Variants in RERE observed in about 807,000 individuals in gnomAD.
RERE encodes arginine-glutamic acid dipeptide repeats.
A neutral mutation model predicts 146.1 loss-of-function variants in RERE; 40 were observed. The ratio of observed to expected loss-of-function variants is 0.27; its 90% CI spans 0.21 to 0.36. The LOEUF is 0.36. Among genes scored for constraint, RERE ranks in the 10% least tolerant of loss-of-function variants. The pLI is 1.00. For missense variants in RERE, 1,933 were observed against 2,138.7 expected (o/e 0.90, Z 1.90); for synonymous variants, 1,003 against 866.0 (o/e 1.16, Z -2.78).
At chr1:8,735,039 T>C (rs1336254810) in intron 1 of RERE, among the ~76,000 whole-genome samples, 1 of 152,258 alleles carries the variant, frequency 6.6e-6, no homozygotes, top group Non-Finnish European at 1.5e-5. Context: ...TGTCAAGTAC[T>C]GTGTGCCAGC....
At chr1:8,398,876 T>C (rs1193317751) in intron 12 of RERE, among the ~76,000 whole-genome samples, 2 of 152,208 alleles carry the variant, frequency 1.3e-5, no homozygotes, top group South Asian at 2.1e-4. Flanking sequence ...GCGCGGCCAC[T>C]AGGAGTACAT....
chr1:8,375,692 A>C (rs1376535507), intron 12 of RERE, among the ~76,000 whole-genome samples: 1 of 132,414 alleles, frequency 7.6e-6, no homozygotes, highest in Non-Finnish European at 1.6e-5. Context: ...TTCCTCACTC[A>C]GCAGCCACTG....
At chr1:8,686,264 T>C (rs191034864) in intron 1 of RERE, among the ~76,000 whole-genome samples, 1 of 152,270 alleles carries the variant, frequency 6.6e-6, no homozygotes, top group Non-Finnish European at 1.5e-5. Context: ...ATTACAGGTG[T>C]AAGCCACTGT....
intron 10 of RERE, among the ~76,000 whole-genome samples, chr1:8,480,128 G>GTGTTTTTTTTTTTTTTTTTTT (rs1557650774): frequency 7.4e-6 from 1 of 135,222 alleles, no homozygotes. Context: ...GCCTTTTTTT[G>GTGTTTTTTTTTTTTTTTTTTT]TTTTTTTTTT....
intron 1 of RERE, among the ~76,000 whole-genome samples, chr1:8,696,403 A>C (rs1003719126): frequency 6.6e-6 from 1 of 152,172 alleles, no homozygotes; most frequent in African/African-American, 2.4e-5. Context: ...ACCCGAGCTC[A>C]AGAGTTGGGA....
intron 13 of RERE, among the ~76,000 whole-genome samples, chr1:8,365,525 C>A (rs760349231): frequency 1.3e-5 from 2 of 152,216 alleles, no homozygotes; most frequent in African/African-American, 2.4e-5. Context: ...CCAAAAACAT[C>A]CCAGGCCAAG....
At chr1:8,421,210 A>T (rs1374610417) in intron 12 of RERE, among the ~76,000 whole-genome samples, 1 of 152,244 alleles carries the variant, frequency 6.6e-6, no homozygotes, top group Non-Finnish European at 1.5e-5. Context: ...CTACAATCTG[A>T]GCGATCAGGA....
Position 8,361,868 on chromosome 1 carries a change from C to T in RERE, c.1911G>A (p.Lys637=), listed in dbSNP as rs763168060. The T allele has an allele frequency of 1.2e-6, 2 of 1,612,512 alleles. No individual in the cohort carries two copies. The highest frequency in any genetic ancestry group is 2.2e-5 in the South Asian group (2 of 91,046). The change falls in exon 17 of 23, where the codon AAG becomes AAA. Residue 637 remains lysine (K), a synonymous_variant. Transcript: ENST00000400908. The part of the protein sequence containing the change: ...ETVKKSAKKV[K]EEASSPLKSN... The stretch of plus-strand genomic sequence containing the variant: ...TCTTAAGAGGGGAAGAGGCTTCCTC[C>T]TTCACCTTCTGCAGGGGAAAAGCCC...
intron 7 of RERE, among the ~76,000 whole-genome samples, chr1:8,521,174 T>C (rs1466643953): frequency 8.9e-5 from 2 of 22,362 alleles, no homozygotes; most frequent in Non-Finnish European, 1.8e-4. Flanking sequence ...GCTTCTTTTT[T>C]TCAAAAAAAA....
chr1:8,776,994 G>T (rs1473127462), intron 1 of RERE, among the ~76,000 whole-genome samples: 1 of 151,878 alleles, frequency 6.6e-6, no homozygotes, highest in Non-Finnish European at 1.5e-5. Flanking sequence ...CTCCCAAAGT[G>T]CCAAAATGCA....
chr1:8,419,823 T>C (rs1480296949), intron 12 of RERE, among the ~76,000 whole-genome samples: 2 of 152,196 alleles, frequency 1.3e-5, no homozygotes, highest in South Asian at 2.1e-4. Flanking sequence ...AAGGCAAGAA[T>C]CATCACTTCG....
At chr1:8,638,028 C>T (rs989350928) in intron 2 of RERE, among the ~76,000 whole-genome samples, 2 of 152,162 alleles carry the variant, frequency 1.3e-5, no homozygotes, top group African/African-American at 4.8e-5. Flanking sequence ...TAGCCATTAG[C>T]GTGTGAGCAT....
At chr1:8,551,376 C>T (rs1645933948) in intron 6 of RERE, among the ~76,000 whole-genome samples, 1 of 152,162 alleles carries the variant, frequency 6.6e-6, no homozygotes, top group Non-Finnish European at 1.5e-5. Flanking sequence ...GAAAAAGTAG[C>T]ACAGAAAACA....
chr1:8,455,971 C>G (rs755186980), intron 11 of RERE, among the ~76,000 whole-genome samples: 2 of 152,174 alleles, frequency 1.3e-5, no homozygotes, highest in Non-Finnish European at 2.9e-5. Context: ...TATCAGAACA[C>G]TACTAGGGAA....
chr1:8,426,282 G>A (rs1025964422), intron 11 of RERE, among the ~76,000 whole-genome samples: 2 of 151,788 alleles, frequency 1.3e-5, no homozygotes, highest in Non-Finnish European at 2.9e-5. Context: ...GTGAAACCCC[G>A]TCTCTACTAA....
Position 8,465,887 on chromosome 1 carries a change from TGC to T in RERE, c.1203+36_1203+37del, listed in dbSNP as rs1158905778. ...ACACACTGAGACGCCGGTGGCCCGATGCCCCAGAGCACAAGGCAAATGCTGGT... is the reference window on the plus strand; with the variant it reads ...ACACACTGAGACGCCGGTGGCCCGATCCCAGAGCACAAGGCAAATGCTGGT... On this transcript the variant is annotated intron_variant, in intron 11 of 22. Transcript: ENST00000400908. 1.9e-6 allele frequency: 3 copies of T among 1,572,416 alleles called. No homozygotes were observed. The East Asian group carries it at 6.7e-5, about 35-fold the overall frequency.
At chr1:8,709,543 A>T (rs1639626464) in intron 1 of RERE, among the ~76,000 whole-genome samples, 1 of 152,172 alleles carries the variant, frequency 6.6e-6, no homozygotes, top group Admixed American at 6.5e-5. Context: ...TATACATAAA[A>T]ACATATGTAT....
At chr1:8,735,003 T>C (rs552727800) in intron 1 of RERE, among the ~76,000 whole-genome samples, 11 of 152,360 alleles carry the variant, frequency 7.2e-5, no homozygotes, top group African/African-American at 2.6e-4. Flanking sequence ...AATTGTATGC[T>C]TGATAATAAT....
At chr1:8,445,707 T>C (rs1644308304) in intron 11 of RERE, among the ~76,000 whole-genome samples, 1 of 151,906 alleles carries the variant, frequency 6.6e-6, no homozygotes, top group South Asian at 2.1e-4. Flanking sequence ...TGTTCGGGGA[T>C]ACATGGGCAG....
Sources: allele counts gnomAD v4.1 joint callset (sites outside exome capture counted in the v4.1 genomes callset), GRCh38; gene constraint gnomAD v4.1.1; transcripts MANE v1.5; gene names NCBI Gene and HGNC (gene_info 2026-07-23, HGNC 2026-07-21).